Variants in CHIC1 observed in about 807,000 individuals in gnomAD.
CHIC1 encodes cysteine-rich hydrophobic domain-containing protein 1.
A neutral mutation model predicts 18.5 loss-of-function variants in CHIC1; 7 were observed. The observed-to-expected ratio is 0.38, with a 90% CI of 0.22 to 0.71. The LOEUF (loss-of-function observed/expected upper bound fraction) is 0.71, where lower values mean the gene tolerates loss of function less well. Ranked by LOEUF, CHIC1 falls within the 30% of genes least tolerant of loss-of-function variation. The pLI, the probability that CHIC1 is intolerant of heterozygous loss-of-function variation, is 0.49. For synonymous variants in CHIC1, 77 were observed against 73.5 expected, an observed-to-expected ratio of 1.05 and a Z score of -0.25; for missense variants, 159 against 176.9, an observed-to-expected ratio of 0.90 and a Z score of 0.57.
At chrX:73,643,253 G>A (rs750031268) in intron 3 of CHIC1, among the ~76,000 whole-genome samples, 12 of 110,707 alleles carry the variant, frequency 1.1e-4, no homozygotes, top group African/African-American at 3.9e-4. Flanking sequence ...AGTCTGATGG[G>A]CTTCCCTTTG....
intron 3 of CHIC1, among the ~76,000 whole-genome samples, chrX:73,631,367 C>T (rs769515719): frequency 7.2e-5 from 8 of 110,857 alleles, no homozygotes; most frequent in Non-Finnish European, 1.3e-4. Flanking sequence ...TGGCTCACAC[C>T]TGTAATCTCA....
At position 73,686,676 on chromosome X, in the gene CHIC1, G is replaced by C. The variant is rs1480421979; in HGVS notation, c.*5671G>C. The C allele has an allele frequency of 9.0e-6, 1 of 111,303 alleles. No individual in the cohort carries two copies. Among genetic ancestry groups the C allele is most frequent in the Non-Finnish European group, 1.9e-5 (1 of 52,920 alleles). The allele number at this position is 111,303 out of a possible 1,213,427, so 9.2% of individuals were successfully genotyped here. A position where few individuals can be genotyped will look rare whatever the true frequency, so the allele number is the denominator to read the frequency against. On this transcript the variant is annotated 3_prime_UTR_variant, in exon 6 of 6. Coordinates refer to ENST00000373502, the MANE Select transcript of CHIC1 (RefSeq NM_001039840.4). Reference sequence around the variant, plus strand: ...GTTTGAAAGTATATAATCTACGAGCGAATTTGCCCTCCTTGGACTAACCAC... The same window carrying C: ...GTTTGAAAGTATATAATCTACGAGCCAATTTGCCCTCCTTGGACTAACCAC...
chrX:73,564,114 A>G (rs184467358), intron 1 of CHIC1, among the ~76,000 whole-genome samples: 5 of 112,152 alleles, frequency 4.5e-5, no homozygotes, highest in African/African-American at 1.3e-4. Flanking sequence ...TTAGAGGTTC[A>G]GGATGAGAGG....
chrX:73,595,396 TC>T (rs2057602855), intron 3 of CHIC1, among the ~76,000 whole-genome samples: 1 of 110,982 alleles, frequency 9.0e-6, no homozygotes, highest in African/African-American at 3.3e-5. Flanking sequence ...ATTGTTCAAC[TC>T]CCACTTATAA....
chrX:73,674,935 T>A (rs1447790200), intron 3 of CHIC1, among the ~76,000 whole-genome samples: 1 of 112,004 alleles, frequency 8.9e-6, no homozygotes, highest in African/African-American at 3.3e-5. Context: ...GTATGTTGTG[T>A]CTTTGTTCTC....
At chrX:73,586,223 A>G (rs1055643019) in intron 3 of CHIC1, among the ~76,000 whole-genome samples, 116 of 111,494 alleles carry the variant, frequency 1.0e-3, no homozygotes, top group African/African-American at 3.7e-3. Flanking sequence ...TAGAACATAC[A>G]TTCTCTGGTT....
intron 1 of CHIC1, among the ~76,000 whole-genome samples, chrX:73,566,605 ATC>A (rs1418388849): frequency 9.0e-6 from 1 of 110,983 alleles, no homozygotes; most frequent in Non-Finnish European, 1.9e-5. Flanking sequence ...CTACTATCCA[ATC>A]TCTCTTTCTT....
intron 3 of CHIC1, among the ~76,000 whole-genome samples, chrX:73,595,012 T>C (rs1033290613): frequency 1.8e-5 from 2 of 111,767 alleles, no homozygotes; most frequent in Non-Finnish European, 3.8e-5. Context: ...TGATGGACAC[T>C]TGAGTTGTTT....
intron 3 of CHIC1, among the ~76,000 whole-genome samples, chrX:73,650,177 C>T (rs941780013): frequency 4.5e-5 from 5 of 111,787 alleles, no homozygotes; most frequent in African/African-American, 1.3e-4. Context: ...TGGGACACAG[C>T]GAAGGCAGTG....
intron 3 of CHIC1, among the ~76,000 whole-genome samples, chrX:73,655,350 A>G (rs1017483443): frequency 1.9e-5 from 2 of 103,380 alleles, no homozygotes; most frequent in African/African-American, 7.0e-5. Context: ...ATATACACAC[A>G]TACAAACACT....
intron 3 of CHIC1, among the ~76,000 whole-genome samples, chrX:73,593,678 C>G (rs1569501200): frequency 9.0e-6 from 1 of 111,705 alleles, no homozygotes; most frequent in Non-Finnish European, 1.9e-5. Flanking sequence ...ATCTCTGAAA[C>G]TCTTTCTTGA....
At position 73,640,457 on chromosome X, in the gene CHIC1, T is replaced by C. The variant is rs760470132; in HGVS notation, c.508-38869T>C. ...TAGTATTTTGTTGAGGATTTTTACA[T>C]CTATGTTCATCAAGGATATTGGCCT... On this transcript the variant is annotated intron_variant, in intron 3 of 5. Coordinates refer to ENST00000373502, the MANE Select transcript of CHIC1 (RefSeq NM_001039840.4). Among the ~76,000 whole-genome samples, 10 of 111,867 alleles carry C rather than the reference T, an allele frequency of 8.9e-5. No individual in the cohort carries two copies. In the South Asian group the frequency reaches 3.4e-3, roughly 38 times the overall value.
intron 1 of CHIC1, among the ~76,000 whole-genome samples, chrX:73,576,687 A>G (rs1157075503): frequency 9.0e-6 from 1 of 110,780 alleles, no homozygotes; most frequent in Non-Finnish European, 1.9e-5. Context: ...CATTGTAGTT[A>G]ATATGAAATA....
intron 3 of CHIC1, among the ~76,000 whole-genome samples, chrX:73,660,420 C>A (rs950271561): frequency 8.9e-6 from 1 of 111,800 alleles, no homozygotes; most frequent in African/African-American, 3.3e-5. Flanking sequence ...GGAAGAAAGG[C>A]GGATGCAAGG....
chrX:73,620,107 G>C (rs2057753048), intron 3 of CHIC1, among the ~76,000 whole-genome samples: 1 of 112,255 alleles, frequency 8.9e-6, no homozygotes, highest in Admixed American at 9.4e-5. Flanking sequence ...GTCTATCACT[G>C]ATGGGCATTT....
rs1373019669 is a variant in CHIC1, at chrX:73,669,442, A to G, written c.508-9884A>G. On this transcript the variant is annotated intron_variant, in intron 3 of 5. Coordinates refer to ENST00000373502, the MANE Select transcript of CHIC1 (RefSeq NM_001039840.4). The stretch of plus-strand genomic sequence containing the variant: ...AATTGTTTGGACTCTCTAAGCCCAC[A>G]TGGTGGAACTGCTGAGCTGTCCAAT... Among the ~76,000 whole-genome samples the G allele has an allele frequency of 2.7e-5, 3 of 111,533 alleles. No homozygotes were observed. The East Asian group carries it at 8.6e-4, about 32-fold the overall frequency.
Position 73,650,333 on chromosome X carries a change from T to C in CHIC1, c.508-28993T>C, listed in dbSNP as rs143593534. Among the ~76,000 whole-genome samples, 209 of 110,066 alleles carry C rather than the reference T, an allele frequency of 1.9e-3. 1 individual carries two copies. Among genetic ancestry groups the C allele is most frequent in the African/African-American group, 6.8e-3 (206 of 30,243 alleles). On this transcript the variant is annotated intron_variant, in intron 3 of 5. Transcript: ENST00000373502. ...ATCAGAAGACAAGAAATAACTAAGA[T>C]CAGAGCAGAACTGAAGGAGATAGAG...
chrX:73,646,091 T>G (rs959729190), intron 3 of CHIC1, among the ~76,000 whole-genome samples: 1 of 111,827 alleles, frequency 8.9e-6, no homozygotes, highest in Non-Finnish European at 1.9e-5. Context: ...GGTCCAATTT[T>G]ATTCCTCTGC....
intron 3 of CHIC1, among the ~76,000 whole-genome samples, chrX:73,615,452 A>T (rs972518890): frequency 9.0e-6 from 1 of 111,500 alleles, no homozygotes; most frequent in African/African-American, 3.3e-5. Flanking sequence ...CTGGCTCCTA[A>T]AATGTCCACA....
Sources: gnomAD v4.1 joint callset for allele counts (sites outside exome capture counted in the v4.1 genomes callset) on GRCh38, gnomAD v4.1.1 for gene constraint, MANE v1.5 for transcripts, NCBI Gene and HGNC (gene_info 2026-07-23, HGNC 2026-07-21) for gene names.